CDK11A: variants seen among roughly 807,000 people sequenced by gnomAD.
The protein encoded by CDK11A is cyclin dependent kinase 11A, also known as cyclin-dependent kinase 11A.
Under a neutral mutation model 83.6 loss-of-function variants are expected in CDK11A, and 55 were observed. That is an observed-to-expected ratio of 0.66 (90% confidence interval 0.53 to 0.82). The LOEUF (loss-of-function observed/expected upper bound fraction) is 0.82, where lower values mean the gene tolerates loss of function less well. CDK11A is among the 40% of genes least tolerant of loss of function. CDK11A has a pLI of 0.00. For missense variants in CDK11A, 564 were observed against 810.1 expected, an observed-to-expected ratio of 0.70 and a Z score of 3.69; for synonymous variants, 247 against 302.7, an observed-to-expected ratio of 0.82 and a Z score of 1.91.
chr1:1,703,800 C>G, intron 17 of CDK11A, 24 bp downstream of exon 17: 1 of 1,608,436 alleles, frequency 6.2e-7, no homozygotes, highest in Non-Finnish European at 8.5e-7. Flanking sequence ...ATCCATAGCG[C>G]ACCTGCGGCA....
At chr1:1,720,441 T>C in intron 3 of CDK11A, among the ~76,000 whole-genome samples, 1 of 150,666 alleles carries the variant, frequency 6.6e-6, no homozygotes, top group Non-Finnish European at 1.5e-5. Context: ...TTGCCCAGGC[T>C]GGAGTCCAGC....
At position 1,702,720 on chromosome 1, in the gene CDK11A, A is replaced by C; in HGVS notation, c.*187T>G. ...AGATGCCCTGGCAAGTCACGGAGAA[A>C]ACACAGCTCTTTCCTCCACAACAAG... On this transcript the variant is annotated 3_prime_UTR_variant, in exon 20 of 20. Coordinates refer to ENST00000404249, the MANE Select transcript of CDK11A (RefSeq NM_024011.4). 3.2e-6 allele frequency: 2 copies of C among 616,988 alleles called. 1 individual carries two copies. The highest frequency in any genetic ancestry group is 5.8e-6 in the Non-Finnish European group (2 of 347,404). 38.2% of individuals were successfully genotyped at this position (616,988 alleles called of 1,614,324 possible). A position where few individuals can be genotyped will look rare whatever the true frequency, so the allele number is the denominator to read the frequency against.
In CDK11A at chr1:1,721,878, C is replaced by T. The variant is rs984697814; in HGVS notation, c.112-167G>A. On this transcript the variant is annotated intron_variant, in intron 2 of 19. Transcript: ENST00000404249. ...AATATAAAGAATTTTTGGCCAGGTGCAGTGGCTCACGCTTGTTAATCCCAG... is the reference window on the plus strand; with the variant it reads ...AATATAAAGAATTTTTGGCCAGGTGTAGTGGCTCACGCTTGTTAATCCCAG... The T allele has an allele frequency of 4.6e-6, 4 of 869,058 alleles. 1 individual carries two copies. The highest frequency in any genetic ancestry group is 6.3e-5 in the East Asian group (2 of 31,526). The allele number at this position is 869,058 out of a possible 1,614,324, so 53.8% of individuals were successfully genotyped here.
chr1:1,719,906 C>T (rs1489874443), intron 3 of CDK11A, among the ~76,000 whole-genome samples: 4 of 150,708 alleles, frequency 2.7e-5, no homozygotes, highest in South Asian at 2.1e-4. Context: ...TGAGCCACCG[C>T]GCCCGGCCTA....
rs1644410560 is a variant in CDK11A, at chr1:1,708,589, C to T, written c.1003+205G>A. On this transcript the variant is annotated intron_variant, in intron 9 of 19. Coordinates refer to ENST00000404249, the MANE Select transcript of CDK11A (RefSeq NM_024011.4). ...CCGGGAGGCAGAGGTTGCAGTGAGC[C>T]GAGATCATGCCACTGCACTCCAGCC... Among the ~76,000 whole-genome samples, 4 of 132,254 alleles carry T rather than the reference C, an allele frequency of 3.0e-5. 1 individual carries two copies. Among genetic ancestry groups the T allele is most frequent in the African/African-American group, 1.1e-4 (4 of 36,590 alleles). The allele number at this position is 132,254 out of a possible 152,430, so 86.8% of individuals were successfully genotyped here.
rs765075112 is a variant in CDK11A, at chr1:1,721,566, T to G, written c.227+30A>C. ...TGGCCAGGCCAGGGCTGTGTACAGT[T>G]GGGTCTTGCACATCTGTACATCCGC... On this transcript the variant is annotated intron_variant, in intron 3 of 19. Coordinates refer to ENST00000404249, the MANE Select transcript of CDK11A (RefSeq NM_024011.4). The G allele has an allele frequency of 5.0e-6, 8 of 1,597,362 alleles. No individual in the cohort carries two copies. The Admixed American group carries it at 1.4e-4, about 27-fold the overall frequency.
At chr1:1,718,921 C>T (rs1396641313) in intron 4 of CDK11A, among the ~76,000 whole-genome samples, 1 of 150,444 alleles carries the variant, frequency 6.6e-6, no homozygotes, top group Non-Finnish European at 1.5e-5. Flanking sequence ...CAGGCTTGAG[C>T]CACCACGCCC....
intron 3 of CDK11A, among the ~76,000 whole-genome samples, chr1:1,720,641 C>T (rs1644870913): frequency 6.6e-6 from 1 of 150,690 alleles, no homozygotes; most frequent in Non-Finnish European, 1.5e-5. Context: ...TCATGATCCA[C>T]CCGCCTCAGC....
At chr1:1,716,844 A>G (rs1269407944) in intron 4 of CDK11A, among the ~76,000 whole-genome samples, 1 of 123,586 alleles carries the variant, frequency 8.1e-6, no homozygotes, top group East Asian at 2.4e-4. Context: ...AAAAAAAAAA[A>G]AAAAAAAATC....
rs542926483 is a variant in CDK11A, at chr1:1,704,918, T to C, written c.1444A>G (p.Ile482Val). The C allele has an allele frequency of 3.8e-6, 6 of 1,594,212 alleles. No homozygotes were observed. In the Admixed American group the frequency reaches 8.4e-5, roughly 22 times the overall value. Residue 482 changes from isoleucine (I) to valine (V), a missense_variant, in exon 13 of 20, where the codon ATT (isoleucine) becomes GTT (valine). Coordinates refer to ENST00000404249, the MANE Select transcript of CDK11A (RefSeq NM_024011.4). ...GCCATGCTCACTCTAACGGTGACAA[T>C]GTTGGGATGCTGGGCCTTGAGGATG... ...NTILKAQHPN[I>V]VTVREIVVGS...
rs1644653151 is a variant in CDK11A, at chr1:1,716,492, A to G, written c.356-14T>C. The G allele has an allele frequency of 1.2e-6, 2 of 1,605,254 alleles. No individual in the cohort carries two copies. Among genetic ancestry groups the G allele is most frequent in the Admixed American group, 1.7e-5 (1 of 59,544 alleles). On this transcript the variant is annotated splice_polypyrimidine_tract_variant and intron_variant, in intron 4 of 19. Coordinates refer to ENST00000404249, the MANE Select transcript of CDK11A (RefSeq NM_024011.4). ...TAGCATGCTTCCCTAATGAGAAATA[A>G]AGTGTCATGCAAAGAAACCTCACTT...
intron 4 of CDK11A, among the ~76,000 whole-genome samples, chr1:1,718,869 C>A (rs577739639): frequency 2.0e-5 from 3 of 150,806 alleles, no homozygotes; most frequent in Non-Finnish European, 4.4e-5. Flanking sequence ...ATCTCCTGAC[C>A]TTGTGATCCA....
At chr1:1,712,134 A>G (rs1644500450) in intron 6 of CDK11A, 130 bp downstream of exon 6, 1 of 125,794 alleles carries the variant, frequency 7.9e-6, no homozygotes, top group South Asian at 1.8e-4. Flanking sequence ...CTGCCTCCAA[A>G]AAAAAAAAAA....
chr1:1,719,232 T>G (rs1410716123), intron 4 of CDK11A, 96 bp downstream of exon 4: 2 of 1,170,396 alleles, frequency 1.7e-6, no homozygotes, highest in Non-Finnish European at 2.3e-6. Context: ...TTGCTTTCTC[T>G]GGTTTTTCAG....
chr1:1,720,235 C>G (rs1313554114), intron 3 of CDK11A, among the ~76,000 whole-genome samples: 2 of 150,160 alleles, frequency 1.3e-5, no homozygotes, highest in Non-Finnish European at 3.0e-5. Flanking sequence ...ACTGGGACTA[C>G]AGGCGCCCAC....
intron 4 of CDK11A, among the ~76,000 whole-genome samples, chr1:1,716,814 CAAAAAAAAA>C (rs1168780288): frequency 2.6e-5 from 2 of 76,722 alleles, no homozygotes; most frequent in African/African-American, 5.9e-5. Flanking sequence ...GACTCCATCT[CAAAAAAAAA>C]AAAAAAAAAA....
rs74045979 is a variant in CDK11A, at chr1:1,704,716, G to A, written c.1459-61C>T. 6,344 of 1,598,850 alleles carry A rather than the reference G, an allele frequency of 4.0e-3. 374 individuals are homozygous for A. In the African/African-American group the frequency reaches 0.073, roughly 18 times the overall value. On this transcript the variant is annotated intron_variant, in intron 13 of 19. Coordinates refer to ENST00000404249, the MANE Select transcript of CDK11A (RefSeq NM_024011.4). ...CAGGCCCCCACCCACCCCTGCACCC[G>A]GGCGCAGATGCTGAGGGACAGTAAG...
intron 4 of CDK11A, among the ~76,000 whole-genome samples, chr1:1,717,116 G>C (rs988157934): frequency 1.3e-5 from 2 of 150,406 alleles, no homozygotes; most frequent in Non-Finnish European, 3.0e-5. Flanking sequence ...TCTGCAGTAA[G>C]CGTCTAATTA....
chr1:1,719,125 G>A, intron 4 of CDK11A: 1 of 363,404 alleles, frequency 2.8e-6, no homozygotes, highest in Non-Finnish European at 4.9e-6. Flanking sequence ...GCTCTCTATA[G>A]CCCCTCTGAA....
Sources: gnomAD v4.1 joint callset for allele counts (sites outside exome capture counted in the v4.1 genomes callset) on GRCh38, gnomAD v4.1.1 for gene constraint, MANE v1.5 for transcripts, NCBI Gene and HGNC (gene_info 2026-07-23, HGNC 2026-07-21) for gene names.